Variants in SLC13A4 observed in about 807,000 individuals in gnomAD.
The protein encoded by SLC13A4 is Na(+)/sulfate cotransporter SUT-1.
A neutral mutation model predicts 72.7 loss-of-function variants in SLC13A4; 28 were observed. That is an observed-to-expected ratio of 0.39 (90% CI 0.29 to 0.53). The LOEUF (loss-of-function observed/expected upper bound fraction) is 0.53, where lower values mean the gene tolerates loss of function less well. SLC13A4 is among the 20% of genes least tolerant of loss of function. SLC13A4 has a pLI of 0.78. For synonymous variants in SLC13A4, 312 were observed against 325.5 expected (o/e 0.96, Z 0.45); for missense variants, 653 against 788.0 (o/e 0.83, Z 2.05).
At chr7:135,691,706 G>A in intron 11 of SLC13A4, 61 bp from the exon 12 acceptor site, 1 of 1,174,684 alleles carries the variant, frequency 8.5e-7, no homozygotes, top group Non-Finnish European at 1.3e-6. Context: ...GTAACATGAT[G>A]TCTCGGAGCA....
intron 8 of SLC13A4, among the ~76,000 whole-genome samples, chr7:135,698,006 C>T (rs1176698057): frequency 6.6e-6 from 1 of 151,982 alleles, no homozygotes; most frequent in African/African-American, 2.4e-5. Context: ...CTTGATTTCC[C>T]CCTTTTTTTC....
rs1169702092 is a variant in SLC13A4, at chr7:135,725,480, C to G, written c.99+1918G>C. Among the ~76,000 whole-genome samples, 3 of 152,142 alleles carry G rather than the reference C, an allele frequency of 2.0e-5. No individual in the cohort carries two copies. In the East Asian group the frequency reaches 5.8e-4, roughly 29 times the overall value. On this transcript the variant is annotated intron_variant, in intron 1 of 15. Coordinates refer to ENST00000682651, the MANE Select transcript of SLC13A4 (RefSeq NM_001318192.2). ...AACATGATAAACAGTGTCTGGACCT[C>G]TAGTTTTAGAGAGTTGGGCAAGAAA... is the stretch of plus-strand genomic sequence containing the variant.
rs534815234 is a variant in SLC13A4, at chr7:135,721,499, T to C, written c.124A>G (p.Ile42Val). The change falls in exon 2 of 16, where the codon ATC becomes GTC. Residue 42 changes from isoleucine (I) to valine (V), a missense_variant. By Grantham distance (29) the Ile-to-Val change is conservative (BLOSUM62 3). Transcript: ENST00000682651. ...SSEASCAYVL[I>V]VTAVYWVSEA... is the part of the protein sequence containing the mutation. ...GACACCCAGTACACAGCAGTCACGATCAGCACGTAAGCACACGAGGCCTCC... is the reference window on the plus strand; with the variant it reads ...GACACCCAGTACACAGCAGTCACGACCAGCACGTAAGCACACGAGGCCTCC... 8.1e-6 allele frequency: 13 copies of C among 1,614,054 alleles called. No individual in the cohort carries two copies. The South Asian group carries it at 1.4e-4, about 18-fold the overall frequency.
chr7:135,698,466 C>T (rs75442609), intron 8 of SLC13A4, among the ~76,000 whole-genome samples: 8,016 of 147,606 alleles, frequency 0.054, 259 homozygotes, highest in South Asian at 0.084. Context: ...TCCTAAGTAG[C>T]GGGGATTACA....
intron 8 of SLC13A4, among the ~76,000 whole-genome samples, chr7:135,697,586 C>CTTTTT (rs796453706): frequency 3.0e-5 from 4 of 135,460 alleles, no homozygotes; most frequent in African/African-American, 8.2e-5. Context: ...ATCTGTTCTC[C>CTTTTT]TTTTTTTTTT....
chr7:135,684,532 G>T (rs945557472), intron 14 of SLC13A4, among the ~76,000 whole-genome samples: 1 of 152,016 alleles, frequency 6.6e-6, no homozygotes, highest in Non-Finnish European at 1.5e-5. Context: ...TAAGGAATTG[G>T]TTCCTAAACT....
In SLC13A4 at chr7:135,721,636, G is replaced by A. The variant is rs557071686; in HGVS notation, c.100-113C>T. On this transcript the variant is annotated intron_variant, in intron 1 of 15. Coordinates refer to ENST00000682651, the MANE Select transcript of SLC13A4 (RefSeq NM_001318192.2). ...ACTCAGACTGTAACGCGGGTACTAG[G>A]ATACAGCCCAGGGACCGAAACCGAA... The A allele has an allele frequency of 1.2e-4, 172 of 1,400,920 alleles. 1 individual carries two copies. The African/African-American group carries it at 2.3e-3, about 18-fold the overall frequency. 86.8% of individuals were successfully genotyped at this position (1,400,920 alleles called of 1,614,324 possible).
intron 5 of SLC13A4, 68 bp from the exon 6 acceptor site, chr7:135,702,952 G>T: frequency 8.5e-7 from 1 of 1,172,582 alleles, no homozygotes; most frequent in Non-Finnish European, 1.3e-6. Context: ...AGGTCCCCCT[G>T]CATCAGGCGT....
intron 2 of SLC13A4, among the ~76,000 whole-genome samples, chr7:135,711,825 T>G (rs1394833543): frequency 6.6e-6 from 1 of 152,026 alleles, no homozygotes; most frequent in Admixed American, 6.6e-5. Context: ...TGGCGCAATC[T>G]CGGCTCACTA....
intron 2 of SLC13A4, among the ~76,000 whole-genome samples, chr7:135,719,140 A>G (rs1393988357): frequency 6.6e-6 from 1 of 152,046 alleles, no homozygotes; most frequent in Non-Finnish European, 1.5e-5. Context: ...CCCTCCCTGG[A>G]CAGTCTTCCT....
intron 5 of SLC13A4, 51 bp from the exon 6 acceptor site, chr7:135,702,935 G>C (rs1439301318): frequency 2.2e-6 from 3 of 1,393,464 alleles, no homozygotes; most frequent in African/African-American, 1.4e-5. Context: ...CCGACTCTTG[G>C]GAGGGGAGGT....
At chr7:135,717,055 A>G (rs562434159) in intron 2 of SLC13A4, among the ~76,000 whole-genome samples, 2 of 152,342 alleles carry the variant, frequency 1.3e-5, no homozygotes, top group East Asian at 3.9e-4. Flanking sequence ...ACCGTACATT[A>G]GCACCGTACA....
At chr7:135,693,298 G>A (rs538182455) in intron 10 of SLC13A4, 2 of 152,228 alleles carry the variant, frequency 1.3e-5, no homozygotes, top group South Asian at 4.1e-4. Flanking sequence ...CCACAGCAGA[G>A]TTAAGGATGT....
chr7:135,693,149 A>C (rs1376567501), intron 10 of SLC13A4: 1 of 151,320 alleles, frequency 6.6e-6, no homozygotes, highest in East Asian at 1.9e-4. Flanking sequence ...CCATCATCTA[A>C]CCAGAAATGC....
At chr7:135,709,419 T>TTTTTTC (rs1796246936) in intron 2 of SLC13A4, among the ~76,000 whole-genome samples, 1 of 128,784 alleles carries the variant, frequency 7.8e-6, no homozygotes, top group Non-Finnish European at 1.7e-5. Flanking sequence ...TTCTTTCTTT[T>TTTTTTC]TTTTTTAAAA....
chr7:135,702,901 G>C lies in SLC13A4; in HGVS notation c.594-17C>G. 1 of 1,608,266 alleles carries C rather than the reference G, an allele frequency of 6.2e-7. No homozygotes were observed. The highest frequency in any genetic ancestry group is 1.1e-5 in the South Asian group (1 of 90,954). On this transcript the variant is annotated splice_polypyrimidine_tract_variant and intron_variant, in intron 5 of 15. Transcript: ENST00000682651. ...TTGGACCTGCTGGAACCAAGCAGAG[G>C]ACACAGGAGCCACGTCAGTGAGGCC...
intron 2 of SLC13A4, among the ~76,000 whole-genome samples, chr7:135,717,217 G>A (rs950912337): frequency 3.3e-5 from 5 of 152,154 alleles, no homozygotes; most frequent in African/African-American, 4.8e-5. Flanking sequence ...TTACTCAACT[G>A]TGCTTTCTCA....
intron 7 of SLC13A4, among the ~76,000 whole-genome samples, chr7:135,700,254 G>T (rs1356311446): frequency 6.6e-6 from 1 of 152,158 alleles, no homozygotes; most frequent in African/African-American, 2.4e-5. Context: ...CTCTGAGCCT[G>T]CTTGGTCCAG....
intron 7 of SLC13A4, among the ~76,000 whole-genome samples, chr7:135,700,499 G>A (rs538345615): frequency 2.0e-5 from 3 of 152,178 alleles, no homozygotes; most frequent in Non-Finnish European, 4.4e-5. Flanking sequence ...TAGTGGGGCC[G>A]AAGTATGGCT....
Sources: gnomAD v4.1 joint callset for allele counts (sites outside exome capture counted in the v4.1 genomes callset) on GRCh38, gnomAD v4.1.1 for gene constraint, MANE v1.5 for transcripts, NCBI Gene and HGNC (gene_info 2026-07-23, HGNC 2026-07-21) for gene names.